UBAC1: variants seen among roughly 807,000 people sequenced by gnomAD.
UBAC1 encodes the protein ubiquitin-associated domain-containing protein 1.
Under a neutral mutation model 45.9 loss-of-function variants are expected in UBAC1, and 27 were observed. That is an observed-to-expected ratio of 0.59 (90% CI 0.43 to 0.81). The LOEUF is 0.81. UBAC1 is among the 30% of genes least tolerant of loss of function. The probability of loss-of-function intolerance (pLI) is 0.00; values close to 1 mark genes in which losing one functional copy is unlikely to be tolerated. For missense variants in UBAC1, 529 were observed against 539.2 expected (o/e 0.98, Z 0.19); for synonymous variants, 227 against 215.5 (o/e 1.05, Z -0.47).
intron 7 of UBAC1, among the ~76,000 whole-genome samples, chr9:135,941,328 C>G (rs914640845): frequency 6.6e-6 from 1 of 152,148 alleles, no homozygotes; most frequent in Non-Finnish European, 1.5e-5. Flanking sequence ...ATCGCTTGAA[C>G]CTGGGAAGTG....
intron 7 of UBAC1, among the ~76,000 whole-genome samples, chr9:135,943,616 A>C (rs932002256): frequency 5.3e-5 from 8 of 152,232 alleles, no homozygotes; most frequent in Non-Finnish European, 1.5e-5. Context: ...GTATATACCC[A>C]AAGGAATAGA....
At chr9:135,935,699 A>C (rs1054605502) in intron 9 of UBAC1, among the ~76,000 whole-genome samples, 2 of 152,168 alleles carry the variant, frequency 1.3e-5, no homozygotes, top group Non-Finnish European at 2.9e-5. Context: ...TGCAATGGCC[A>C]ACAGAAAAGT....
Position 135,953,757 on chromosome 9 carries a change from G to T in UBAC1, c.260-4C>A. 1 of 1,613,070 alleles carries T rather than the reference G, an allele frequency of 6.2e-7. No homozygotes were observed. The highest frequency in any genetic ancestry group is 8.5e-7 in the Non-Finnish European group (1 of 1,179,358). Reference sequence around the variant, plus strand: ...TTTTTTATCAATAATAGGACATCTAGAAAAAACAACACGTATATCCAACAC... The same window carrying T: ...TTTTTTATCAATAATAGGACATCTATAAAAAACAACACGTATATCCAACAC... On this transcript the variant is annotated splice_polypyrimidine_tract_variant and splice_region_variant and intron_variant, in intron 2 of 9. Coordinates refer to ENST00000371756, the MANE Select transcript of UBAC1 (RefSeq NM_016172.3).
At chr9:135,952,904 G>A (rs1372512507) in intron 3 of UBAC1, among the ~76,000 whole-genome samples, 1 of 152,252 alleles carries the variant, frequency 6.6e-6, no homozygotes, top group African/African-American at 2.4e-5. Flanking sequence ...AGGCTGTGCG[G>A]TGTGAGGTGG....
chr9:135,957,623 C>T (rs1839482938), intron 1 of UBAC1, among the ~76,000 whole-genome samples: 1 of 151,812 alleles, frequency 6.6e-6, no homozygotes, highest in South Asian at 2.1e-4. Context: ...CATCCTGCTC[C>T]TCCCCAGAAG....
chr9:135,942,822 G>A (rs541926012), intron 7 of UBAC1, among the ~76,000 whole-genome samples: 12 of 152,282 alleles, frequency 7.9e-5, no homozygotes, highest in African/African-American at 2.6e-4. Flanking sequence ...CAGACAGAAC[G>A]TGCGCCTTGG....
At chr9:135,960,537 G>A (rs1392133833) in intron 1 of UBAC1, among the ~76,000 whole-genome samples, 1 of 152,134 alleles carries the variant, frequency 6.6e-6, no homozygotes, top group Non-Finnish European at 1.5e-5. Context: ...GAAGGAGAAG[G>A]GGCCTCTTCA....
chr9:135,939,613 T>TACCACAGCCCACAGTCACTC (rs1839244851), intron 8 of UBAC1, 60 bp downstream of exon 8: 2 of 1,483,986 alleles, frequency 1.3e-6, no homozygotes, highest in Non-Finnish European at 1.8e-6. Context: ...AGCCCACACT[T>TACCACAGCCCACAGTCACTC]ACCACAGCCC....
intron 3 of UBAC1, among the ~76,000 whole-genome samples, chr9:135,948,583 G>A (rs563261217): frequency 6.6e-6 from 1 of 152,384 alleles, no homozygotes; most frequent in Non-Finnish European, 1.5e-5. Flanking sequence ...CTCCCAGAGA[G>A]CTGGGCTTGA....
rs781500099 is a variant in UBAC1, at chr9:135,945,877, C to T, written c.653+12G>A. On this transcript the variant is annotated intron_variant, in intron 6 of 9. Transcript: ENST00000371756. Reference sequence around the variant, plus strand: ...TGTCTCCGGCAAGGGAAGGAGGTGGCCCCCCACGCACTGGTTCAGCTGAAG... The same window carrying T: ...TGTCTCCGGCAAGGGAAGGAGGTGGTCCCCCACGCACTGGTTCAGCTGAAG... 6 of 1,611,438 alleles carry T rather than the reference C, an allele frequency of 3.7e-6. No individual in the cohort carries two copies. The highest frequency in any genetic ancestry group is 2.5e-6 in the Non-Finnish European group (3 of 1,178,148).
intron 9 of UBAC1, among the ~76,000 whole-genome samples, chr9:135,935,755 A>G (rs1250130350): frequency 6.6e-6 from 1 of 152,226 alleles, no homozygotes. Flanking sequence ...GGCCAGGCGC[A>G]GTAGCTCAAG....
chr9:135,959,796 A>G (rs544333783), intron 1 of UBAC1, among the ~76,000 whole-genome samples: 90 of 152,316 alleles, frequency 5.9e-4, no homozygotes, highest in African/African-American at 2.0e-3. Context: ...TCAGACGGCA[A>G]AATCATGCAG....
intron 1 of UBAC1, among the ~76,000 whole-genome samples, chr9:135,957,391 C>T (rs1020438570): frequency 6.6e-6 from 1 of 152,188 alleles, no homozygotes; most frequent in African/African-American, 2.4e-5. Context: ...TTGTCAAGTT[C>T]AGAATACAGA....
chr9:135,943,848 T>C (rs1839296287), intron 7 of UBAC1, among the ~76,000 whole-genome samples: 1 of 152,220 alleles, frequency 6.6e-6, no homozygotes, highest in Non-Finnish European at 1.5e-5. Context: ...GAAGCCACTG[T>C]CCTCAGCAAA....
chr9:135,947,177 C>T (rs1277742760), intron 4 of UBAC1, among the ~76,000 whole-genome samples: 2 of 152,228 alleles, frequency 1.3e-5, no homozygotes, highest in South Asian at 2.1e-4. Context: ...GCGGCGTCCA[C>T]GTGAGCACTG....
intron 9 of UBAC1, among the ~76,000 whole-genome samples, chr9:135,934,005 A>C (rs1169770150): frequency 1.3e-5 from 2 of 152,224 alleles, no homozygotes; most frequent in African/African-American, 2.4e-5. Flanking sequence ...CTTCTTCAAA[A>C]TGAAAACTTG....
rs373488037 is a variant in UBAC1, at chr9:135,961,163, C to T, written c.-1G>A. On this transcript the variant is annotated 5_prime_UTR_variant, in exon 1 of 10. Transcript: ENST00000371756. ...AGATCTTCTCCTCCTGCACGAACATCCCGCCGCCGCCGCAGGGGCCTGCGC... is the reference window on the plus strand; with the variant it reads ...AGATCTTCTCCTCCTGCACGAACATTCCGCCGCCGCCGCAGGGGCCTGCGC... 1.1e-4 allele frequency: 165 copies of T among 1,547,320 alleles called. 1 individual carries two copies. The African/African-American group carries it at 2.0e-3, about 18-fold the overall frequency.
chr9:135,946,096 T>C, intron 5 of UBAC1, 99 bp from the exon 6 acceptor site: 1 of 1,243,890 alleles, frequency 8.0e-7, no homozygotes, highest in Non-Finnish European at 1.2e-6. Flanking sequence ...GAGCTCCACC[T>C]GCCCGCCCTC....
chr9:135,945,255 A>T lies in UBAC1; in HGVS notation c.654-5T>A. On this transcript the variant is annotated splice_region_variant and splice_polypyrimidine_tract_variant and intron_variant, in intron 6 of 9. Coordinates refer to ENST00000371756, the MANE Select transcript of UBAC1 (RefSeq NM_016172.3). ...ATGGCCTGAGGCACCGACATGCTGC[A>T]AGGCAAGAGACTCTTTCCAACATCC... The T allele has an allele frequency of 1.9e-6, 3 of 1,573,232 alleles. No homozygotes were observed. The highest frequency in any genetic ancestry group is 2.6e-6 in the Non-Finnish European group (3 of 1,158,882).
Sources: gnomAD v4.1 joint callset for allele counts (sites outside exome capture counted in the v4.1 genomes callset) on GRCh38, gnomAD v4.1.1 for gene constraint, MANE v1.5 for transcripts, NCBI Gene and HGNC (gene_info 2026-07-23, HGNC 2026-07-21) for gene names.